Variants in PLD2 observed in about 807,000 individuals in gnomAD.
PLD2 encodes choline phosphatase 2.
In PLD2, 101 loss-of-function variants were observed where a neutral mutation model predicts 119.8. The ratio of observed to expected loss-of-function variants is 0.84; its 90% confidence interval spans 0.72 to 0.99. The LOEUF (loss-of-function observed/expected upper bound fraction) is 0.99, where lower values mean the gene tolerates loss of function less well. Ranked by LOEUF, PLD2 falls within the 50% of genes least tolerant of loss-of-function variation. The pLI is 0.00. For synonymous variants in PLD2, 494 were observed against 482.8 expected (o/e 1.02, Z -0.30); for missense variants, 1,164 against 1,226.8 (o/e 0.95, Z 0.76).
chr17:4,811,423 C>G (rs994963855), intron 10 of PLD2, among the ~76,000 whole-genome samples: 4 of 149,780 alleles, frequency 2.7e-5, no homozygotes, highest in African/African-American at 9.9e-5. Flanking sequence ...ATTACAGGCG[C>G]CCACCACCAC....
Position 4,818,595 on chromosome 17 carries a change from A to G in PLD2, c.2111A>G (p.His704Arg), listed in dbSNP as rs145037801. 4.7e-5 allele frequency: 76 copies of G among 1,612,544 alleles called. No individual in the cohort carries two copies. In the East Asian group the frequency reaches 1.6e-3, roughly 35 times the overall value. Residue 704 changes from histidine (H) to arginine (R), a missense_variant, in exon 20 of 25, where the codon CAC becomes CGC. By Grantham distance (29) the His-to-Arg change is conservative. Transcript: ENST00000263088. Reference protein sequence around the residue: ...GGGNSIQAILHFTYRTLCRGE... With the variant: ...GGGNSIQAILRFTYRTLCRGE... ...GGCAACTCCATCCAGGCCATTCTGC[A>G]CTTTACTTACAGGTGACCCCCCAGG...
Position 4,807,607 on chromosome 17 carries a change from A to G in PLD2, c.-1-165A>G. ...ACTAAGGTAGGGGATGGGGGCTCGA[A>G]GGGGTCGGTGGGGCGTTGCAAACTG... On this transcript the variant is annotated intron_variant, in intron 1 of 24. Coordinates refer to ENST00000263088, the MANE Select transcript of PLD2 (RefSeq NM_002663.5). This position sits in a 1 kb window ranked among gnomAD's most constrained non-coding sequence, Gnocchi z 5.4. 2 of 524,938 alleles carry G rather than the reference A, an allele frequency of 3.8e-6. No homozygotes were observed. Among genetic ancestry groups the G allele is most frequent in the Admixed American group, 3.1e-5 (1 of 32,206 alleles). 32.5% of individuals were successfully genotyped at this position (524,938 alleles called of 1,614,324 possible).
At position 4,819,495 on chromosome 17, in the gene PLD2, A is replaced by G; in HGVS notation, c.2375A>G (p.Glu792Gly). ...GACAGTGAGCTGGCCGTGCTGATCG[A>G]GGACACAGAGACGGAACCATCCCTC... ...KRDSELAVLI[E>G]DTETEPSLMN... The change falls in exon 23 of 25, where the codon GAG becomes GGG. Residue 792 changes from glutamate (E) to glycine (G), a missense_variant. By Grantham distance (98) the Glu-to-Gly change is moderately conservative. Transcript: ENST00000263088. The surrounding 1 kb of genome is among the most constrained non-coding windows in gnomAD (Gnocchi z 4.2). 6.2e-7 allele frequency: 1 copy of G among 1,614,074 alleles called. No individual in the cohort carries two copies. Among genetic ancestry groups the G allele is most frequent in the Non-Finnish European group, 8.5e-7 (1 of 1,180,004 alleles).
At chr17:4,820,900 G>C (rs1165658080) in intron 23 of PLD2, among the ~76,000 whole-genome samples, 1 of 126,126 alleles carries the variant, frequency 7.9e-6, no homozygotes, top group Admixed American at 8.3e-5. Flanking sequence ...TTTGTGTTTT[G>C]TTTGTTTGTT....
chr17:4,820,875 CA>C (rs932131386), intron 23 of PLD2, among the ~76,000 whole-genome samples: 69 of 132,206 alleles, frequency 5.2e-4, no homozygotes, highest in South Asian at 9.5e-4. Flanking sequence ...CACGCCCGGC[CA>C]AAAAAAAAAA....
At position 4,822,954 on chromosome 17, in the gene PLD2, C is replaced by G; in HGVS notation, c.*90C>G. 1 of 709,334 alleles carries G rather than the reference C, an allele frequency of 1.4e-6. No individual in the cohort carries two copies. The highest frequency in any genetic ancestry group is 2.4e-6 in the Non-Finnish European group (1 of 415,270). The allele number at this position is 709,334 out of a possible 1,614,324, so 43.9% of individuals were successfully genotyped here. On this transcript the variant is annotated 3_prime_UTR_variant, in exon 25 of 25. Transcript: ENST00000263088. ...TTAACCCCAAGGACTGAGGGCAGTGCCCTTTGAGATCTGGGGAGGCAGGCA... is the reference window on the plus strand; with the variant it reads ...TTAACCCCAAGGACTGAGGGCAGTGGCCTTTGAGATCTGGGGAGGCAGGCA...
At position 4,815,854 on chromosome 17, in the gene PLD2, G is replaced by A. The variant is rs763445487; in HGVS notation, c.1375G>A (p.Asp459Asn). Reference sequence around the variant, plus strand: ...AGTGGTAGCATTCCTGGGGGGACTGGACCTTGCCTATGGCCGCTGGGATGA... The same window carrying A: ...AGTGGTAGCATTCCTGGGGGGACTGAACCTTGCCTATGGCCGCTGGGATGA... ...DQVVAFLGGL[D>N]LAYGRWDDLH... Residue 459 changes from aspartate (D) to asparagine (N), a missense_variant, in exon 14 of 25, where the codon GAC becomes AAC. By Grantham distance (23) the Asp-to-Asn change is conservative. Coordinates refer to ENST00000263088, the MANE Select transcript of PLD2 (RefSeq NM_002663.5). 3 of 1,614,114 alleles carry A rather than the reference G, an allele frequency of 1.9e-6. No individual in the cohort carries two copies. Among genetic ancestry groups the A allele is most frequent in the Middle Eastern group, 1.6e-4 (1 of 6,062 alleles).
rs954944269 is a variant in PLD2, at chr17:4,808,880, G to A, written c.384-220G>A. On this transcript the variant is annotated intron_variant, in intron 4 of 24. Transcript: ENST00000263088. This position sits in a 1 kb window ranked among gnomAD's most constrained non-coding sequence, Gnocchi z 4.1. ...AACTAATTTTTGTATATTTTGTAGA[G>A]ATGGGGTGCTGCTGTGTTGCCCAGG... Among the ~76,000 whole-genome samples, 3 of 152,102 alleles carry A rather than the reference G, an allele frequency of 2.0e-5. No individual in the cohort carries two copies. Among genetic ancestry groups the A allele is most frequent in the African/African-American group, 4.8e-5 (2 of 41,422 alleles).
At chr17:4,816,074 G>A in intron 14 of PLD2, 140 bp downstream of exon 14, 1 of 692,208 alleles carries the variant, frequency 1.4e-6, no homozygotes, top group Non-Finnish European at 2.5e-6. Context: ...GGGACTCCAA[G>A]AACCCACTTT....
chr17:4,814,724 G>C lies in PLD2; in HGVS notation c.1173+13G>C, dbSNP rs765271120. The C allele has an allele frequency of 6.2e-7, 1 of 1,613,132 alleles. No homozygotes were observed. Among genetic ancestry groups the C allele is most frequent in the Non-Finnish European group, 8.5e-7 (1 of 1,179,212 alleles). Reference sequence around the variant, plus strand: ...CAAGAGGAAGGCGGTGAGGAGAGTGGTCAGGCCGCAGGGGGAGGGGGTTGC... The same window carrying C: ...CAAGAGGAAGGCGGTGAGGAGAGTGCTCAGGCCGCAGGGGGAGGGGGTTGC... On this transcript the variant is annotated intron_variant, in intron 12 of 24. Transcript: ENST00000263088.
rs182899925 is a variant in PLD2 at position 4,807,762 on chromosome 17, A to G, written c.-1-10A>G. 6.5e-6 allele frequency: 10 copies of G among 1,536,314 alleles called. No homozygotes were observed. In the Admixed American group the frequency reaches 6.8e-5, roughly 11 times the overall value. ...CAGCTCGCCTCCCTGAGGCTTCCCAATGTTCCTAGGATGACGGCGACCCCT... is the reference window on the plus strand; with the variant it reads ...CAGCTCGCCTCCCTGAGGCTTCCCAGTGTTCCTAGGATGACGGCGACCCCT... On this transcript the variant is annotated splice_polypyrimidine_tract_variant and intron_variant, in intron 1 of 24. Coordinates refer to ENST00000263088, the MANE Select transcript of PLD2 (RefSeq NM_002663.5). The surrounding 1 kb of genome is among the most constrained non-coding windows in gnomAD (Gnocchi z 5.4).
At chr17:4,820,257 CTTT>C (rs869209861) in intron 23 of PLD2, among the ~76,000 whole-genome samples, 10 of 127,142 alleles carry the variant, frequency 7.9e-5, no homozygotes, top group Admixed American at 3.2e-4. Flanking sequence ...AAAAAGAAAT[CTTT>C]TTTGTTGTTG....
At position 4,819,394 on chromosome 17, in the gene PLD2, G is replaced by A. The variant is rs767496118; in HGVS notation, c.2309-35G>A. Reference sequence around the variant, plus strand: ...TGGGGTACTGGGGAGAGTGCCCTGGGCCCAAGCACACAGTGTGCCCCGCAT... The same window carrying A: ...TGGGGTACTGGGGAGAGTGCCCTGGACCCAAGCACACAGTGTGCCCCGCAT... On this transcript the variant is annotated intron_variant, in intron 22 of 24. Coordinates refer to ENST00000263088, the MANE Select transcript of PLD2 (RefSeq NM_002663.5). The surrounding 1 kb of genome is among the most constrained non-coding windows in gnomAD (Gnocchi z 4.2). The A allele has an allele frequency of 1.9e-6, 3 of 1,610,744 alleles. No individual in the cohort carries two copies. The highest frequency in any genetic ancestry group is 1.7e-6 in the Non-Finnish European group (2 of 1,178,410).
In PLD2 at chr17:4,809,471, G is replaced by A. The variant is rs778671662; in HGVS notation, c.556-22G>A. On this transcript the variant is annotated intron_variant, in intron 6 of 24. Coordinates refer to ENST00000263088, the MANE Select transcript of PLD2 (RefSeq NM_002663.5). ...GGGCTGAAAGCCAGGTGTCTCCTCCGGGCTTTTGTTTTCCTCTGCAGACAG... is the reference window on the plus strand; with the variant it reads ...GGGCTGAAAGCCAGGTGTCTCCTCCAGGCTTTTGTTTTCCTCTGCAGACAG... 44 of 1,607,944 alleles carry A rather than the reference G, an allele frequency of 2.7e-5. No homozygotes were observed. In the South Asian group the frequency reaches 3.8e-4, roughly 14 times the overall value.
At position 4,818,332 on chromosome 17, in the gene PLD2, G is replaced by T; in HGVS notation, c.1956G>T (p.Thr652=). 1 of 1,614,176 alleles carries T rather than the reference G, an allele frequency of 6.2e-7. No homozygotes were observed. Among genetic ancestry groups the T allele is most frequent in the Non-Finnish European group, 8.5e-7 (1 of 1,180,010 alleles). Residue 652 remains threonine, a synonymous_variant, in exon 19 of 25, where the codon ACG becomes ACT. Coordinates refer to ENST00000263088, the MANE Select transcript of PLD2 (RefSeq NM_002663.5). ...QFFISCSDGR[T]VLNKVGDEIV... The stretch of plus-strand genomic sequence containing the variant: ...TCATTAGCTGCTCAGATGGGCGGAC[G>T]GTTCTGAACAAGGTGGGCGATGAGA...
chr17:4,809,857 A>G lies in PLD2; in HGVS notation c.708-20A>G, dbSNP rs201612352. 177 of 1,614,162 alleles carry G rather than the reference A, an allele frequency of 1.1e-4. 1 individual carries two copies. The East Asian group carries it at 3.9e-3, about 36-fold the overall frequency. On this transcript the variant is annotated intron_variant, in intron 8 of 24. Coordinates refer to ENST00000263088, the MANE Select transcript of PLD2 (RefSeq NM_002663.5). The stretch of plus-strand genomic sequence containing the variant: ...AAATTTTGAGGGCAGAGAGGAACAC[A>G]CGGAGCCCTTCTGCTCTAGGTGGCT...
At position 4,809,491 on chromosome 17, in the gene PLD2, A is replaced by G. The variant is rs1216150496; in HGVS notation, c.556-2A>G. The G allele has an allele frequency of 5.0e-6, 8 of 1,608,050 alleles. No homozygotes were observed. The South Asian group carries it at 8.8e-5, about 18-fold the overall frequency. ...CCTCCGGGCTTTTGTTTTCCTCTGC[A>G]GACAGAGTTCCTGGAAGTCAGTCAG... On this transcript the variant is annotated splice_acceptor_variant, in intron 6 of 24. Coordinates refer to ENST00000263088, the MANE Select transcript of PLD2 (RefSeq NM_002663.5). LOFTEE classifies it high-confidence loss of function.
chr17:4,814,832 C>T lies in PLD2; in HGVS notation c.1173+121C>T, dbSNP rs563473255. On this transcript the variant is annotated intron_variant, in intron 12 of 24. Transcript: ENST00000263088. ...CTTCAGGGGAGGGAAAAGTGTCCAT[C>T]CTGGCCCAGCACCTGTCAGACATCA... 2.3e-5 allele frequency: 19 copies of T among 842,028 alleles called. No individual in the cohort carries two copies. In the African/African-American group the frequency reaches 2.8e-4, roughly 13 times the overall value. 52.2% of individuals were successfully genotyped at this position (842,028 alleles called of 1,614,324 possible). A position where few individuals can be genotyped will look rare whatever the true frequency, so the allele number is the denominator to read the frequency against.
rs1252875619 is a variant in PLD2 at position 4,808,769 on chromosome 17, T to A, written c.384-331T>A. Among the ~76,000 whole-genome samples, 1 of 152,142 alleles carries A rather than the reference T, an allele frequency of 6.6e-6. No individual in the cohort carries two copies. The highest frequency in any genetic ancestry group is 2.4e-5 in the African/African-American group (1 of 41,430). On this transcript the variant is annotated intron_variant, in intron 4 of 24. Transcript: ENST00000263088. The surrounding 1 kb of genome is among the most constrained non-coding windows in gnomAD (Gnocchi z 4.1). The stretch of plus-strand genomic sequence containing the variant: ...TCACCCAGGCTAGAGTGCAGTGGTA[T>A]GATCTTGGCTCATGGCAACCTCCTG...
Sources: allele counts gnomAD v4.1 joint callset (sites outside exome capture counted in the v4.1 genomes callset), GRCh38; gene constraint gnomAD v4.1.1; non-coding constraint Gnocchi (gnomAD v3.1); transcripts MANE v1.5; gene names NCBI Gene and HGNC (gene_info 2026-07-23, HGNC 2026-07-21).